Variants in SLC26A2 observed in about 807,000 individuals in gnomAD.
SLC26A2 encodes the protein sulfate transporter.
A neutral mutation model predicts 41.1 loss-of-function variants in SLC26A2; 36 were observed. The observed-to-expected ratio is 0.88, with a 90% CI of 0.67 to 1.16. The LOEUF (loss-of-function observed/expected upper bound fraction) is 1.16, where lower values mean the gene tolerates loss of function less well. Among genes scored for constraint, SLC26A2 ranks in the 50% most tolerant of loss-of-function variants. SLC26A2 has a pLI of 0.00. For synonymous variants in SLC26A2, 291 were observed against 311.6 expected (o/e 0.93, Z 0.70); for missense variants, 796 against 869.6 (o/e 0.92, Z 1.07).
intron 1 of SLC26A2, among the ~76,000 whole-genome samples, chr5:149,972,754 A>G (rs1754925483): frequency 6.6e-6 from 1 of 152,172 alleles, no homozygotes; most frequent in South Asian, 2.1e-4. Context: ...TCCATTTTTA[A>G]TTAGCATGTT....
At position 149,982,466 on chromosome 5, in the gene SLC26A2, G is replaced by T. The variant is rs1755126590; in HGVS notation, c.*653G>T. 1 of 152,174 alleles carries T rather than the reference G, an allele frequency of 6.6e-6. No individual in the cohort carries two copies. Among genetic ancestry groups the T allele is most frequent in the East Asian group, 1.9e-4 (1 of 5,198 alleles). The allele number at this position is 152,174 out of a possible 1,614,324, so 9.4% of individuals were successfully genotyped here. ...CCTGACATTAGACAGAATACCCTTT[G>T]TAATACATTGGAAATTTTTACTCAT... On this transcript the variant is annotated 3_prime_UTR_variant, in exon 3 of 3. Transcript: ENST00000286298.
intron 1 of SLC26A2, among the ~76,000 whole-genome samples, chr5:149,971,594 T>A (rs1468515993): frequency 6.6e-6 from 1 of 152,024 alleles, no homozygotes; most frequent in African/African-American, 2.4e-5. Context: ...GAAATGGGTT[T>A]TCATCATGTT....
intron 1 of SLC26A2, among the ~76,000 whole-genome samples, chr5:149,969,080 A>G (rs189162994): frequency 6.2e-4 from 94 of 152,334 alleles, no homozygotes; most frequent in Non-Finnish European, 1.2e-3. Flanking sequence ...TTTGTCCAAC[A>G]AAAGTCAAAG....
chr5:149,963,374 G>T (rs920488949), intron 1 of SLC26A2, among the ~76,000 whole-genome samples: 5 of 151,918 alleles, frequency 3.3e-5, no homozygotes, highest in African/African-American at 1.2e-4. Context: ...TGCCTCCCAG[G>T]TTCAGGTGAT....
In SLC26A2 at chr5:149,982,776, C is replaced by T. The variant is rs2113700602; in HGVS notation, c.*963C>T. The T allele has an allele frequency of 6.6e-6, 1 of 152,276 alleles. No homozygotes were observed. Among genetic ancestry groups the T allele is most frequent in the Admixed American group, 6.5e-5 (1 of 15,304 alleles). 9.4% of individuals were successfully genotyped at this position (152,276 alleles called of 1,614,324 possible). On this transcript the variant is annotated 3_prime_UTR_variant, in exon 3 of 3. Coordinates refer to ENST00000286298, the MANE Select transcript of SLC26A2 (RefSeq NM_000112.4). ...TTGATGACAATGACAGCTTTTAACT[C>T]TTCAAGTCACCTAAAGCTATTATGC...
In SLC26A2 at chr5:149,983,393, C is replaced by A. The variant is rs1333752660; in HGVS notation, c.*1580C>A. The A allele has an allele frequency of 6.6e-6, 1 of 152,046 alleles. No homozygotes were observed. Among genetic ancestry groups the A allele is most frequent in the African/African-American group, 2.4e-5 (1 of 41,392 alleles). The allele number at this position is 152,046 out of a possible 1,614,324, so 9.4% of individuals were successfully genotyped here. ...TAGATTTCTGTCTTATAGGTGATTTCTGTCTTATAGGTGATTATAATCAAG... is the reference window on the plus strand; with the variant it reads ...TAGATTTCTGTCTTATAGGTGATTTATGTCTTATAGGTGATTATAATCAAG... On this transcript the variant is annotated 3_prime_UTR_variant, in exon 3 of 3. Transcript: ENST00000286298.
chr5:149,963,088 ATTTATTTATTTATTTATT>A (rs1754740649), intron 1 of SLC26A2, among the ~76,000 whole-genome samples: 3 of 150,076 alleles, frequency 2.0e-5, no homozygotes, highest in African/African-American at 7.4e-5. Flanking sequence ...TGCTATATTT[ATTTATTTATTTATTTATT>A]TATTTATTTA....
chr5:149,970,602 C>T, intron 1 of SLC26A2, among the ~76,000 whole-genome samples: 1 of 152,060 alleles, frequency 6.6e-6, no homozygotes, highest in East Asian at 1.9e-4. Context: ...ACAACTTGAG[C>T]AAGTACAGTG....
In SLC26A2 at chr5:149,977,915, T is replaced by C. The variant is rs778265659; in HGVS notation, c.263T>C (p.Met88Thr). The C allele has an allele frequency of 1.6e-5, 26 of 1,614,096 alleles. No homozygotes were observed. In the South Asian group the frequency reaches 2.2e-4, roughly 14 times the overall value. ...TGCAGTCCAGCCAAAGCCAAAAATA[T>C]GATTTTAGGTTTCCTTCCTGTTTTG... ...CQCSPAKAKNMILGFLPVLQW... is the reference protein window; with the variant it reads ...CQCSPAKAKNTILGFLPVLQW... Residue 88 changes from methionine (M) to threonine (T), a missense_variant, in exon 2 of 3, where the codon ATG becomes ACG. Met to Thr is a moderately conservative substitution (Grantham distance 81). Coordinates refer to ENST00000286298, the MANE Select transcript of SLC26A2 (RefSeq NM_000112.4).
chr5:149,981,635 T>G lies in SLC26A2; in HGVS notation c.2042T>G (p.Val681Gly). 1 of 1,614,148 alleles carries G rather than the reference T, an allele frequency of 6.2e-7. No homozygotes were observed. Among genetic ancestry groups the G allele is most frequent in the Non-Finnish European group, 8.5e-7 (1 of 1,180,006 alleles). ...GATTATGAAGCCATTGGAATCCAGG[T>G]TCTGCTGGCTCAGTGCAATCCCACT... is the stretch of plus-strand genomic sequence containing the variant. ...RRDYEAIGIQ[V>G]LLAQCNPTVR... Residue 681 changes from valine (V) to glycine (G), a missense_variant, in exon 3 of 3, where the codon GTT (valine) becomes GGT (glycine). By Grantham distance (109) the Val-to-Gly change is moderately radical. Transcript: ENST00000286298.
chr5:149,965,189 C>G (rs1754785160), intron 1 of SLC26A2, among the ~76,000 whole-genome samples: 2 of 152,064 alleles, frequency 1.3e-5, no homozygotes, highest in South Asian at 2.1e-4. Context: ...CCCCTACTTA[C>G]AAGCTGTGTG....
chr5:149,964,279 C>T (rs1241791122), intron 1 of SLC26A2, among the ~76,000 whole-genome samples: 1 of 152,106 alleles, frequency 6.6e-6, no homozygotes, highest in Non-Finnish European at 1.5e-5. Flanking sequence ...ATCACTTGAG[C>T]TCAGGAGTTC....
intron 1 of SLC26A2, among the ~76,000 whole-genome samples, chr5:149,973,060 T>G (rs1754932277): frequency 6.6e-6 from 1 of 152,294 alleles, no homozygotes; most frequent in South Asian, 2.1e-4. Context: ...GGCTCATGCC[T>G]GTAGTCCCAG....
chr5:149,981,129 A>AGTTAT lies in SLC26A2; in HGVS notation c.1537_1541dup (p.Ile514MetfsTer14), dbSNP rs1057517511. The AGTTAT allele has an allele frequency of 2.0e-5, 32 of 1,614,158 alleles. No individual in the cohort carries two copies. Among genetic ancestry groups the AGTTAT allele is most frequent in the Non-Finnish European group, 2.7e-5 (32 of 1,179,998 alleles). ...TGTGGAGTATTAGTAGAATGGATAC[A>AGTTAT]GTTATCTGGTTTGTTACTATGCTGT... On this transcript the variant is annotated frameshift_variant, in exon 3 of 3. Coordinates refer to ENST00000286298, the MANE Select transcript of SLC26A2 (RefSeq NM_000112.4). LOFTEE classifies it high-confidence loss of function.
chr5:149,975,564 G>GT (rs2113694037), intron 1 of SLC26A2, among the ~76,000 whole-genome samples: 1 of 152,312 alleles, frequency 6.6e-6, no homozygotes, highest in South Asian at 2.1e-4. Context: ...TCACAGACTG[G>GT]TTGCATTGTA....
rs1755027151 is a variant in SLC26A2 at position 149,978,081 on chromosome 5, A to T, written c.429A>T (p.Thr143=). The T allele has an allele frequency of 1.2e-6, 2 of 1,604,600 alleles. No homozygotes were observed. The highest frequency in any genetic ancestry group is 1.1e-5 in the South Asian group (1 of 90,030). Reference sequence around the variant, plus strand: ...AAGAACCTGTCTATGGTCTGTACACATCTTTTTTTGCCAGCATCATTTATT... The same window carrying T: ...AAGAACCTGTCTATGGTCTGTACACTTCTTTTTTTGCCAGCATCATTTATT... ...AGQEPVYGLY[T]SFFASIIYFL... Residue 143 remains threonine, a synonymous_variant, in exon 2 of 3, where the codon ACA becomes ACT. Coordinates refer to ENST00000286298, the MANE Select transcript of SLC26A2 (RefSeq NM_000112.4).
Position 149,982,927 on chromosome 5 carries a change from A to AAGTTTAT in SLC26A2, c.*1120_*1126dup, listed in dbSNP as rs1755134598. 1 of 152,196 alleles carries AAGTTTAT rather than the reference A, an allele frequency of 6.6e-6. No homozygotes were observed. Among genetic ancestry groups the AAGTTTAT allele is most frequent in the East Asian group, 1.9e-4 (1 of 5,202 alleles). The allele number at this position is 152,196 out of a possible 1,614,324, so 9.4% of individuals were successfully genotyped here. ...AAAAAGCAAGAATGTCCAACACTGA[A>AAGTTTAT]AGTTTATAGTTTTATATTTGGACCT... On this transcript the variant is annotated 3_prime_UTR_variant, in exon 3 of 3. Coordinates refer to ENST00000286298, the MANE Select transcript of SLC26A2 (RefSeq NM_000112.4).
At position 149,974,640 on chromosome 5, in the gene SLC26A2, G is replaced by A. The variant is rs550107442; in HGVS notation, c.-25-2988G>A. ...GGGTTTCACCATGTTGGCCAGGATG[G>A]TCTTGATCTCTTGACCTTGTGATCT... On this transcript the variant is annotated intron_variant, in intron 1 of 2. Transcript: ENST00000286298. 9.3e-5 allele frequency among the ~76,000 whole-genome samples: 14 copies of A among 150,574 alleles called. No homozygotes were observed. The East Asian group carries it at 2.2e-3, about 23-fold the overall frequency.
At chr5:149,969,433 A>T (rs376300870) in intron 1 of SLC26A2, among the ~76,000 whole-genome samples, 1 of 152,216 alleles carries the variant, frequency 6.6e-6, no homozygotes, top group African/African-American at 2.4e-5. Context: ...TGGACATATT[A>T]TAAAAATCTC....
Sources: gnomAD v4.1 joint callset for allele counts (sites outside exome capture counted in the v4.1 genomes callset) on GRCh38, gnomAD v4.1.1 for gene constraint, MANE v1.5 for transcripts, NCBI Gene and HGNC (gene_info 2026-07-23, HGNC 2026-07-21) for gene names.